Variants in KDM2B observed in about 807,000 individuals in gnomAD.
KDM2B encodes the protein lysine demethylase 2B.
Under a neutral mutation model 150.0 loss-of-function variants are expected in KDM2B, and 26 were observed. That is an observed-to-expected ratio of 0.17 (90% CI 0.13 to 0.24). KDM2B has a LOEUF of 0.24. Ranked by LOEUF, KDM2B falls within the 10% of genes least tolerant of loss-of-function variation. The pLI is 1.00. For synonymous variants in KDM2B, 734 were observed against 729.5 expected (o/e 1.01, Z -0.10); for missense variants, 1,265 against 1,816.9 (o/e 0.70, Z 5.52).
At chr12:121,466,625 C>T (rs1879990873) in intron 12 of KDM2B, among the ~76,000 whole-genome samples, 1 of 151,016 alleles carries the variant, frequency 6.6e-6, no homozygotes, top group African/African-American at 2.4e-5. Context: ...GGGCGGCGGG[C>T]GCGCGGCGCC....
At chr12:121,423,396 G>A in the KDM2B span, 4 of 1,605,838 alleles carry the variant, frequency 2.5e-6, no homozygotes, top group Non-Finnish European at 3.4e-6. The surrounding 1 kb of genome is among the most constrained non-coding windows in gnomAD (Gnocchi z 4.3). Context: ...ATGGCGAGCG[G>A]CTGCAGCTGC....
At chr12:121,482,167 T>C (rs2140058057) in intron 12 of KDM2B, among the ~76,000 whole-genome samples, 2 of 152,340 alleles carry the variant, frequency 1.3e-5, no homozygotes, top group Non-Finnish European at 2.9e-5. Context: ...TTACAGGTTA[T>C]GTCAGGTGAA....
intron 1 of KDM2B, among the ~76,000 whole-genome samples, chr12:121,579,217 C>A (rs1555317459): frequency 6.6e-6 from 1 of 152,258 alleles, no homozygotes; most frequent in Non-Finnish European, 1.5e-5. Flanking sequence ...CCCTCCCCTG[C>A]CCCCCGCCCC....
chr12:121,436,002 CAATGCAGAGAGAAGAAAATAAAA>C (rs1453932376), intron 22 of KDM2B, among the ~76,000 whole-genome samples: 2 of 152,114 alleles, frequency 1.3e-5, no homozygotes, highest in African/African-American at 4.8e-5. Flanking sequence ...AGGGAACAGT[CAATGCAGAGAGAAGAAAATAAAA>C]CAATCATTCA....
chr12:121,416,461 C>A, the KDM2B span: 1 of 940,302 alleles, frequency 1.1e-6, no homozygotes, highest in African/African-American at 1.6e-5. Context: ...ATTGAATTTT[C>A]ATTTCTGTTT....
downstream of KDM2B, among the ~76,000 whole-genome samples, chr12:121,425,752 T>C (rs1008062851): frequency 6.6e-6 from 1 of 151,536 alleles, no homozygotes; most frequent in Non-Finnish European, 1.5e-5. Context: ...TGTGGGCACT[T>C]GTGCTTTTTG....
intron 10 of KDM2B, among the ~76,000 whole-genome samples, chr12:121,511,418 C>G (rs1205325003): frequency 1.3e-5 from 2 of 151,942 alleles, no homozygotes; most frequent in Non-Finnish European, 2.9e-5. Flanking sequence ...TCCCGAGTAC[C>G]TGGGATTACA....
At chr12:121,416,666 CTG>C in the KDM2B span, 2 of 271,808 alleles carry the variant, frequency 7.4e-6, no homozygotes, top group Non-Finnish European at 1.4e-5. Context: ...ATTTGTTAGT[CTG>C]TAGTTTTGTT....
At chr12:121,417,994 C>G in the KDM2B span, 1 of 1,392,830 alleles carries the variant, frequency 7.2e-7, no homozygotes, top group South Asian at 1.4e-5. The surrounding 1 kb of genome is among the most constrained non-coding windows in gnomAD (Gnocchi z 5.0). Context: ...TGCTTGATGA[C>G]TTCTGATAAA....
At chr12:121,444,377 A>T (rs1875757752) in intron 15 of KDM2B, 73 bp downstream of exon 15, 2 of 1,605,808 alleles carry the variant, frequency 1.2e-6, no homozygotes, top group African/African-American at 2.7e-5. Flanking sequence ...AACTCCTGGG[A>T]CAGGCTGGTC....
intron 12 of KDM2B, among the ~76,000 whole-genome samples, chr12:121,484,856 A>G (rs1882588779): frequency 6.6e-6 from 1 of 152,060 alleles, no homozygotes; most frequent in South Asian, 2.1e-4. Context: ...AAAAATAAAT[A>G]AAGAAGATGG....
At chr12:121,505,729 A>G (rs1445774430) in intron 11 of KDM2B, among the ~76,000 whole-genome samples, 1 of 152,160 alleles carries the variant, frequency 6.6e-6, no homozygotes, top group Admixed American at 6.5e-5. Context: ...CTGGAACACA[A>G]GCCAAAGATC....
At chr12:121,499,955 A>AT (rs1555301635) in intron 11 of KDM2B, among the ~76,000 whole-genome samples, 1 of 151,716 alleles carries the variant, frequency 6.6e-6, no homozygotes, top group African/African-American at 2.4e-5. Flanking sequence ...ACTCAAAAAA[A>AT]AATAATTATT....
chr12:121,485,050 C>A (rs1380986836), intron 12 of KDM2B, among the ~76,000 whole-genome samples: 1 of 152,042 alleles, frequency 6.6e-6, no homozygotes, highest in African/African-American at 2.4e-5. Flanking sequence ...CAGCTACCTA[C>A]AAGCCAAGGA....
At chr12:121,544,741 T>C (rs1555310396) in intron 6 of KDM2B, among the ~76,000 whole-genome samples, 1 of 151,716 alleles carries the variant, frequency 6.6e-6, no homozygotes, top group Admixed American at 6.6e-5. Flanking sequence ...GGTGAAACCC[T>C]GTCTCTACTA....
At chr12:121,438,893 A>G (rs1326392013) in intron 22 of KDM2B, among the ~76,000 whole-genome samples, 2 of 151,866 alleles carry the variant, frequency 1.3e-5, no homozygotes, top group African/African-American at 4.8e-5. Context: ...CGCAAACCCA[A>G]CACCCCCCAA....
chr12:121,574,602 A>G lies in KDM2B; in HGVS notation c.351-9T>C, dbSNP rs1891368777. 1 of 1,613,888 alleles carries G rather than the reference A, an allele frequency of 6.2e-7. No homozygotes were observed. The highest frequency in any genetic ancestry group is 2.2e-5 in the East Asian group (1 of 44,856). ...AATCAGGGTCAGGCATCCTGGGGAA[A>G]GAGGAGCACAGACCTTTGGTGAGAG... On this transcript the variant is annotated splice_polypyrimidine_tract_variant and intron_variant, in intron 3 of 22. Transcript: ENST00000377071.
chr12:121,454,877 C>T (rs1389950045), intron 12 of KDM2B, among the ~76,000 whole-genome samples: 2 of 152,104 alleles, frequency 1.3e-5, no homozygotes, highest in African/African-American at 2.4e-5. Context: ...GAAGAAGGTC[C>T]ACATCACAGG....
chr12:121,548,833 G>A (rs782804703), intron 6 of KDM2B, 44 bp downstream of exon 6: 1 of 1,500,886 alleles, frequency 6.7e-7, no homozygotes, highest in Non-Finnish European at 9.3e-7. Context: ...CCCAAGCCTG[G>A]GGGTCAACCC....
Sources: gnomAD v4.1 joint callset for allele counts (sites outside exome capture counted in the v4.1 genomes callset) on GRCh38, gnomAD v4.1.1 for gene constraint, Gnocchi (gnomAD v3.1) non-coding constraint, MANE v1.5 for transcripts, NCBI Gene and HGNC (gene_info 2026-07-23, HGNC 2026-07-21) for gene names.